The following RUNX1 variants were observed in gnomAD, a reference collection of about 807,000 sequenced individuals.
The protein encoded by RUNX1 is RUNX family transcription factor 1, also known as runt-related transcription factor 1.
Under a neutral mutation model 42.8 loss-of-function variants are expected in RUNX1, and 19 were observed. That is an observed-to-expected ratio of 0.44 (90% CI 0.31 to 0.65). The LOEUF (loss-of-function observed/expected upper bound fraction) is 0.65. RUNX1 is among the 30% of genes least tolerant of loss of function. RUNX1 has a pLI of 0.07. For missense variants in RUNX1, 528 were observed against 672.0 expected (o/e 0.79, Z 2.37); for synonymous variants, 271 against 289.4 (o/e 0.94, Z 0.64).
chr21:35,011,378 C>A (rs1283396873), intron 2 of RUNX1, among the ~76,000 whole-genome samples: 1 of 152,112 alleles, frequency 6.6e-6, no homozygotes, highest in Non-Finnish European at 1.5e-5. Context: ...AGTGAGACAG[C>A]CACTACTAAT....
At chr21:35,021,869 G>A (rs2059200714) in intron 2 of RUNX1, among the ~76,000 whole-genome samples, 1 of 152,172 alleles carries the variant, frequency 6.6e-6, no homozygotes, top group Non-Finnish European at 1.5e-5. Flanking sequence ...CTCTCCCATT[G>A]GATGTGCCTC....
chr21:34,892,808 A>G (rs527293857), intron 3 of RUNX1, 117 bp downstream of exon 3: 4 of 674,260 alleles, frequency 5.9e-6, no homozygotes, highest in Non-Finnish European at 1.1e-5. Flanking sequence ...AAACAGCCTT[A>G]ATTATTTGGT....
chr21:34,864,227 C>G (rs939264349), intron 5 of RUNX1, among the ~76,000 whole-genome samples: 1 of 152,214 alleles, frequency 6.6e-6, no homozygotes, highest in Non-Finnish European at 1.5e-5. Flanking sequence ...TCGGGGCACA[C>G]GTGTTATGAG....
At position 35,049,252 on chromosome 21, in the gene RUNX1, C is replaced by T. The variant is rs1315080149; in HGVS notation, c.-144G>A. On this transcript the variant is annotated 5_prime_UTR_variant, in exon 1 of 9. Coordinates refer to ENST00000675419, the MANE Select transcript of RUNX1 (RefSeq NM_001754.5). Reference sequence around the variant, plus strand: ...TGCTGGGTTCAGACTTCTGACACTGCCAGGCTACCCAACTTGTGGTTCTGT... The same window carrying T: ...TGCTGGGTTCAGACTTCTGACACTGTCAGGCTACCCAACTTGTGGTTCTGT... The T allele has an allele frequency of 7.3e-6, 2 of 274,334 alleles. No homozygotes were observed. Among genetic ancestry groups the T allele is most frequent in the South Asian group, 4.6e-5 (1 of 21,780 alleles). The allele number at this position is 274,334 out of a possible 1,614,324, so 17.0% of individuals were successfully genotyped here.
intron 2 of RUNX1, among the ~76,000 whole-genome samples, chr21:34,967,539 G>A (rs997419028): frequency 3.3e-5 from 5 of 151,906 alleles, no homozygotes; most frequent in African/African-American, 1.2e-4. Flanking sequence ...CATGCACAGG[G>A]TGTCTAAGAG....
rs1487924415 is a variant in RUNX1, at chr21:34,886,968, G to A, written c.226C>T (p.Arg76Cys). The change falls in exon 4 of 9, where the codon CGC becomes TGC. Residue 76 changes from arginine (R) to cysteine (C), a missense_variant. Transcript: ENST00000675419. ...ALAGKLRSGD[R>C]SMVEVLADHP... ...TCGGCCAGCACCTCCACCATGCTGC[G>A]GTCGCCGCTCCTCAGCTTGCCGGCC... 3 of 1,610,922 alleles carry A rather than the reference G, an allele frequency of 1.9e-6. No individual in the cohort carries two copies. The highest frequency in any genetic ancestry group is 2.5e-6 in the Non-Finnish European group (3 of 1,179,338).
chr21:34,851,263 G>A (rs1198396215), intron 6 of RUNX1, among the ~76,000 whole-genome samples: 4 of 152,238 alleles, frequency 2.6e-5, no homozygotes, highest in African/African-American at 4.8e-5. Flanking sequence ...GGATTTGCCT[G>A]ATGTGATTTA....
In RUNX1 at chr21:34,967,363, G is replaced by A. The variant is rs141093997; in HGVS notation, c.59-74400C>T. Among the ~76,000 whole-genome samples the A allele has an allele frequency of 3.4e-3, 335 of 98,792 alleles. 5 individuals are homozygous for A. Among genetic ancestry groups the A allele is most frequent in the African/African-American group, 0.01 (304 of 29,002 alleles). The allele number at this position is 98,792 out of a possible 152,430, so 64.8% of individuals were successfully genotyped here. On this transcript the variant is annotated intron_variant, in intron 2 of 8. Coordinates refer to ENST00000675419, the MANE Select transcript of RUNX1 (RefSeq NM_001754.5). ...AAAAAAAAAAAAAAAGAAGAATAGC[G>A]TTTTCCCATTGAGCTTTCGTCTGGA...
intron 6 of RUNX1, among the ~76,000 whole-genome samples, chr21:34,836,412 A>G (rs754386302): frequency 2.6e-5 from 4 of 152,156 alleles, no homozygotes; most frequent in Non-Finnish European, 4.4e-5. Flanking sequence ...CCATGGTGTG[A>G]CTCAGTGCCT....
In RUNX1 at chr21:34,978,577, T is replaced by C. The variant is rs1028914116; in HGVS notation, c.58+70265A>G. 7.2e-5 allele frequency among the ~76,000 whole-genome samples: 11 copies of C among 152,266 alleles called. No individual in the cohort carries two copies. The South Asian group carries it at 1.5e-3, about 20-fold the overall frequency. On this transcript the variant is annotated intron_variant, in intron 2 of 8. Transcript: ENST00000675419. The stretch of plus-strand genomic sequence containing the variant: ...GGGAGACCATTACTTTATTGGAAAG[T>C]TTTTGTTTTTTTAAAACTTGTCTAC...
intron 2 of RUNX1, among the ~76,000 whole-genome samples, chr21:34,933,726 C>T (rs911276539): frequency 5.9e-5 from 9 of 152,272 alleles, no homozygotes; most frequent in South Asian, 4.1e-4. Flanking sequence ...TGATGGACCC[C>T]GTTCACGCAC....
At chr21:35,013,102 G>T (rs759230985) in intron 2 of RUNX1, among the ~76,000 whole-genome samples, 1 of 152,088 alleles carries the variant, frequency 6.6e-6, no homozygotes, top group Non-Finnish European at 1.5e-5. Flanking sequence ...CCATGTTATC[G>T]CATGTATACA....
chr21:34,809,502 T>G (rs2056729023), intron 7 of RUNX1, among the ~76,000 whole-genome samples: 1 of 151,976 alleles, frequency 6.6e-6, no homozygotes, highest in Non-Finnish European at 1.5e-5. Context: ...TGCACACAGC[T>G]AAAGAAACAG....
chr21:34,810,794 G>A (rs1314791646), intron 7 of RUNX1, among the ~76,000 whole-genome samples: 1 of 152,170 alleles, frequency 6.6e-6, no homozygotes, highest in Non-Finnish European at 1.5e-5. Context: ...TGCCCTTCCA[G>A]GAAAGGATAA....
chr21:34,921,622 T>A (rs950095247), intron 2 of RUNX1, among the ~76,000 whole-genome samples: 1 of 126,002 alleles, frequency 7.9e-6, no homozygotes, highest in Non-Finnish European at 1.8e-5. Context: ...TTATTCACTC[T>A]ATTGACATAA....
intron 2 of RUNX1, among the ~76,000 whole-genome samples, chr21:35,023,015 G>T (rs951695960): frequency 6.6e-6 from 1 of 151,632 alleles, no homozygotes; most frequent in South Asian, 2.1e-4. Flanking sequence ...CATGATTACG[G>T]CTCACTGCAG....
chr21:34,930,650 T>C (rs954985983), intron 2 of RUNX1, among the ~76,000 whole-genome samples: 5 of 151,886 alleles, frequency 3.3e-5, no homozygotes, highest in African/African-American at 4.8e-5. Context: ...AGATTTCATA[T>C]TGAGTTCTTC....
intron 7 of RUNX1, among the ~76,000 whole-genome samples, chr21:34,814,552 G>A (rs1309549780): frequency 2.0e-5 from 3 of 152,194 alleles, no homozygotes; most frequent in Admixed American, 6.5e-5. Flanking sequence ...TAAATTCACA[G>A]GCTCGCTCTC....
intron 2 of RUNX1, among the ~76,000 whole-genome samples, chr21:34,946,776 C>T (rs776758835): frequency 6.6e-6 from 1 of 152,138 alleles, no homozygotes; most frequent in Non-Finnish European, 1.5e-5. Context: ...TGAGTTTGGG[C>T]TGTGACATTT....
Sources: allele counts gnomAD v4.1 joint callset (sites outside exome capture counted in the v4.1 genomes callset), GRCh38; gene constraint gnomAD v4.1.1; transcripts MANE v1.5; gene names NCBI Gene and HGNC (gene_info 2026-07-23, HGNC 2026-07-21).